PKIG: variants seen among roughly 807,000 people sequenced by gnomAD.
PKIG encodes protein kinase (cAMP-dependent, catalytic) inhibitor gamma.
PKIG carries 1 observed loss-of-function variant against 6.8 expected under a neutral mutation model. The observed-to-expected ratio is 0.15, with a 90% CI of 0.05 to 0.69. The LOEUF (loss-of-function observed/expected upper bound fraction) is 0.69. Among genes scored for constraint, PKIG ranks in the 30% least tolerant of loss-of-function variants. PKIG has a pLI of 0.82. For missense variants in PKIG, 77 were observed against 104.0 expected, an observed-to-expected ratio of 0.74 and a Z score of 1.13; for synonymous variants, 39 against 43.0, an observed-to-expected ratio of 0.91 and a Z score of 0.36.
At chr20:44,535,811 TTTAA>T (rs1286198203) in intron 1 of PKIG, among the ~76,000 whole-genome samples, 1 of 152,268 alleles carries the variant, frequency 6.6e-6, no homozygotes, top group Non-Finnish European at 1.5e-5. Context: ...ATGTTAAATC[TTTAA>T]TTGTGATAAA....
chr20:44,590,985 A>G (rs2065028679), intron 2 of PKIG, among the ~76,000 whole-genome samples: 1 of 152,172 alleles, frequency 6.6e-6, no homozygotes, highest in Non-Finnish European at 1.5e-5. Flanking sequence ...TTTAGCAGGT[A>G]TTTATGGAGC....
intron 1 of PKIG, among the ~76,000 whole-genome samples, chr20:44,586,917 C>G (rs1178193361): frequency 6.6e-6 from 1 of 152,146 alleles, no homozygotes; most frequent in African/African-American, 2.4e-5. Flanking sequence ...AAAAAGAAGT[C>G]TCTTTAATGT....
At chr20:44,547,729 T>C (rs1474838529) in intron 1 of PKIG, among the ~76,000 whole-genome samples, 1 of 152,162 alleles carries the variant, frequency 6.6e-6, no homozygotes, top group Non-Finnish European at 1.5e-5. Context: ...ATGGGAATAG[T>C]AATAACATCT....
chr20:44,572,062 G>T (rs552536008), intron 1 of PKIG, among the ~76,000 whole-genome samples: 19 of 152,198 alleles, frequency 1.2e-4, no homozygotes, highest in Non-Finnish European at 2.6e-4. Context: ...GGGGTGCAGT[G>T]GCACAATCTC....
chr20:44,618,440 G>A lies in PKIG; in HGVS notation c.*76G>A. 2.0e-6 allele frequency: 2 copies of A among 985,568 alleles called. No homozygotes were observed. Among genetic ancestry groups the A allele is most frequent in the Admixed American group, 3.4e-5 (2 of 58,634 alleles). 61.1% of individuals were successfully genotyped at this position (985,568 alleles called of 1,614,324 possible). On this transcript the variant is annotated 3_prime_UTR_variant, in exon 4 of 4. Transcript: ENST00000372886. ...GAGGGGGAACCCTGGCACTGGCCCA[G>A]CAGCCTCTTCTCTGAGCTCCATGTC... is the stretch of plus-strand genomic sequence containing the variant.
At chr20:44,547,726 T>C (rs2064628595) in intron 1 of PKIG, among the ~76,000 whole-genome samples, 1 of 152,128 alleles carries the variant, frequency 6.6e-6, no homozygotes. Flanking sequence ...AAAATGGGAA[T>C]AGTAATAACA....
intron 1 of PKIG, among the ~76,000 whole-genome samples, chr20:44,554,076 A>ATG (rs1472583648): frequency 6.8e-6 from 1 of 147,706 alleles, no homozygotes; most frequent in East Asian, 2.0e-4. Flanking sequence ...TTAAAAAAAA[A>ATG]TTTTTTTTTT....
At chr20:44,540,204 A>G (rs555251613) in intron 1 of PKIG, among the ~76,000 whole-genome samples, 1 of 152,036 alleles carries the variant, frequency 6.6e-6, no homozygotes, top group Admixed American at 6.6e-5. Flanking sequence ...CCAGTGATCA[A>G]CCTGCCTCAG....
chr20:44,538,173 A>G (rs574979112), intron 1 of PKIG, among the ~76,000 whole-genome samples: 36 of 152,326 alleles, frequency 2.4e-4, no homozygotes, highest in African/African-American at 8.2e-4. Context: ...GTCTCTGTCT[A>G]CTTCCAGAGC....
At chr20:44,565,776 A>G (rs2064805243) in intron 1 of PKIG, among the ~76,000 whole-genome samples, 1 of 152,138 alleles carries the variant, frequency 6.6e-6, no homozygotes. Flanking sequence ...TTTATTATTT[A>G]TTTAGAGACA....
chr20:44,611,827 A>AT lies in PKIG; in HGVS notation c.-23-2694dup, dbSNP rs950798756. ...AGCCACTGTGCCTAGCCGATAACAAATTTTTTTTTTTTTAAGATTCCATGT... is the reference window on the plus strand; with the variant it reads ...AGCCACTGTGCCTAGCCGATAACAAATTTTTTTTTTTTTTAAGATTCCATGT... On this transcript the variant is annotated intron_variant, in intron 2 of 3. Coordinates refer to ENST00000372886, the MANE Select transcript of PKIG (RefSeq NM_001281445.2). 5.5e-3 allele frequency among the ~76,000 whole-genome samples: 807 copies of AT among 146,768 alleles called. 5 individuals carry two copies. The highest frequency in any genetic ancestry group is 0.018 in the African/African-American group (725 of 40,236).
At chr20:44,588,802 C>T (rs1389914096) in intron 1 of PKIG, among the ~76,000 whole-genome samples, 1 of 152,164 alleles carries the variant, frequency 6.6e-6, no homozygotes, top group Admixed American at 6.5e-5. Context: ...TTCTTGGGGT[C>T]TGTGAATGGT....
At chr20:44,603,410 C>T (rs890530677) in intron 2 of PKIG, among the ~76,000 whole-genome samples, 10 of 152,096 alleles carry the variant, frequency 6.6e-5, no homozygotes, top group Admixed American at 2.6e-4. Flanking sequence ...CTGTTAGCCC[C>T]GCTTTGCTGA....
chr20:44,535,953 T>G (rs1216605784), intron 1 of PKIG, among the ~76,000 whole-genome samples: 1 of 152,216 alleles, frequency 6.6e-6, no homozygotes, highest in African/African-American at 2.4e-5. Context: ...TTTAATAGGT[T>G]TAGCTCCCCA....
intron 1 of PKIG, among the ~76,000 whole-genome samples, chr20:44,572,314 T>C (rs1044553586): frequency 3.9e-5 from 6 of 152,180 alleles, no homozygotes; most frequent in Admixed American, 6.5e-5. Flanking sequence ...TCAATATACG[T>C]GTTAAATTAT....
chr20:44,566,120 A>G (rs1307991583), intron 1 of PKIG, among the ~76,000 whole-genome samples: 1 of 152,240 alleles, frequency 6.6e-6, no homozygotes, highest in Non-Finnish European at 1.5e-5. Context: ...CCCGCATCTC[A>G]TTCTCTAAGA....
chr20:44,534,657 T>C (rs2064496695), intron 1 of PKIG, among the ~76,000 whole-genome samples: 1 of 151,966 alleles, frequency 6.6e-6, no homozygotes, highest in Non-Finnish European at 1.5e-5. Flanking sequence ...TTAGTAGAGA[T>C]GAGGTTTTGC....
At chr20:44,540,567 T>G (rs991648783) in intron 1 of PKIG, among the ~76,000 whole-genome samples, 4 of 152,030 alleles carry the variant, frequency 2.6e-5, no homozygotes, top group Non-Finnish European at 5.9e-5. Flanking sequence ...TGTTTTGTTT[T>G]TTTTTGTTTT....
upstream of PKIG, among the ~76,000 whole-genome samples, chr20:44,577,807 ACTC>A (rs1211699974): frequency 6.6e-6 from 1 of 151,758 alleles, no homozygotes; most frequent in African/African-American, 2.4e-5. Flanking sequence ...TTATTCATAT[ACTC>A]CTTCAACAGA....
Sources: gnomAD v4.1 joint callset for allele counts (sites outside exome capture counted in the v4.1 genomes callset) on GRCh38, gnomAD v4.1.1 for gene constraint, MANE v1.5 for transcripts, NCBI Gene and HGNC (gene_info 2026-07-23, HGNC 2026-07-21) for gene names.